The following STARD8 variants were observed in gnomAD, a reference collection of about 807,000 sequenced individuals.
STARD8 encodes stAR-related lipid transfer protein 8.
STARD8 carries 25 observed loss-of-function variants against 69.4 expected under a neutral mutation model. The observed-to-expected ratio is 0.36, with a 90% confidence interval of 0.26 to 0.50. The LOEUF is 0.50. Among genes scored for constraint, STARD8 ranks in the 20% least tolerant of loss-of-function variants. The probability of loss-of-function intolerance (pLI) is 0.96; values close to 1 mark genes in which losing one functional copy is unlikely to be tolerated. For synonymous variants in STARD8, 389 were observed against 374.6 expected, an observed-to-expected ratio of 1.04 and a Z score of -0.45; for missense variants, 921 against 932.5, an observed-to-expected ratio of 0.99 and a Z score of 0.16.
chrX:68,653,403 C>CA (rs2079585813), intron 1 of STARD8, among the ~76,000 whole-genome samples: 1 of 56,401 alleles, frequency 1.8e-5, no homozygotes, highest in African/African-American at 6.6e-5. Context: ...CCCACACACA[C>CA]CACACACACC....
intron 1 of STARD8, among the ~76,000 whole-genome samples, chrX:68,655,779 C>T (rs1326707580): frequency 9.0e-6 from 1 of 111,576 alleles, no homozygotes; most frequent in African/African-American, 3.3e-5. Flanking sequence ...CTGGATATTA[C>T]GTCCACCTCT....
At chrX:68,672,500 C>T (rs2079734387) in intron 2 of STARD8, among the ~76,000 whole-genome samples, 2 of 111,825 alleles carry the variant, frequency 1.8e-5, no homozygotes, top group South Asian at 3.8e-4. Context: ...CTTCACTACA[C>T]GTACTCCTGA....
chrX:68,682,646 G>A (rs1008239011), intron 2 of STARD8, among the ~76,000 whole-genome samples: 1 of 112,722 alleles, frequency 8.9e-6, no homozygotes, highest in African/African-American at 3.2e-5. Flanking sequence ...CAGGGTTTCT[G>A]TAAGGACTTT....
rs58255923 is a variant in STARD8 at position 68,718,550 on chromosome X, C to T, written c.1636C>T (p.Pro546Ser). The T allele has an allele frequency of 8.2e-3, 9,944 of 1,210,512 alleles. 336 individuals are homozygous for T. In the African/African-American group the frequency reaches 0.12, roughly 14 times the overall value. Residue 546 changes from proline to serine, a missense_variant, in exon 6 of 15, where the codon CCC becomes TCC. Pro to Ser is a moderately conservative substitution (Grantham distance 74). Transcript: ENST00000374599. ...CATGAATGAGGCTGAGGCTGCGGGGCCCCTGGCTGGACTCCAGGCATCAAT... is the reference window on the plus strand; with the variant it reads ...CATGAATGAGGCTGAGGCTGCGGGGTCCCTGGCTGGACTCCAGGCATCAAT... ...NSMNEAEAAG[P>S]LAGLQASMPR...
chrX:68,665,511 C>T lies in STARD8; in HGVS notation c.58C>T (p.Leu20=), dbSNP rs763161628. The part of the protein sequence containing the change: ...CFRKVKCFPL[L]QVKKNAEAEA... ...GTTTCTTTTGCAGTGCTTCCCATTG[C>T]TGCAGGTGAAGAAGAACGCTGGTAA... The change falls in exon 2 of 15, where the codon CTG becomes TTG. Residue 20 remains leucine (L), a synonymous_variant. Coordinates refer to ENST00000374599, the MANE Select transcript of STARD8 (RefSeq NM_001142503.3). The T allele has an allele frequency of 1.7e-6, 2 of 1,208,715 alleles. No homozygotes were observed. Among genetic ancestry groups the T allele is most frequent in the Admixed American group, 4.4e-5 (2 of 45,802 alleles).
intron 2 of STARD8, among the ~76,000 whole-genome samples, chrX:68,683,400 A>G (rs1394714672): frequency 8.9e-6 from 1 of 112,204 alleles, no homozygotes; most frequent in Non-Finnish European, 1.9e-5. Flanking sequence ...TGATTAAATC[A>G]TATATAGAAA....
intron 2 of STARD8, among the ~76,000 whole-genome samples, chrX:68,678,526 T>C (rs1427346353): frequency 1.8e-5 from 2 of 112,355 alleles, no homozygotes; most frequent in African/African-American, 3.2e-5. Context: ...TTTCTTCTTC[T>C]AGGCTCTGAG....
intron 1 of STARD8, among the ~76,000 whole-genome samples, chrX:68,652,804 C>CACCA (rs2079558596): frequency 1.5e-5 from 1 of 66,976 alleles, no homozygotes; most frequent in Non-Finnish European, 2.9e-5. Context: ...ACACCACACA[C>CACCA]CACACACACA....
chrX:68,680,719 A>G (rs756847011), intron 2 of STARD8, among the ~76,000 whole-genome samples: 1 of 110,913 alleles, frequency 9.0e-6, no homozygotes, highest in South Asian at 3.9e-4. Flanking sequence ...AGGTGTGTGT[A>G]CTAAGGCCAG....
chrX:68,688,902 G>A lies in STARD8; in HGVS notation c.79+23370G>A, dbSNP rs191528055. ...GGACTTGCAGATGCCCCACCCCCAT[G>A]GGAACACACAGAGCAGCTCACAGAA... On this transcript the variant is annotated intron_variant, in intron 2 of 14. Coordinates refer to ENST00000374599, the MANE Select transcript of STARD8 (RefSeq NM_001142503.3). Among the ~76,000 whole-genome samples, 399 of 107,406 alleles carry A rather than the reference G, an allele frequency of 3.7e-3. 2 individuals carry two copies. The highest frequency in any genetic ancestry group is 0.013 in the African/African-American group (379 of 29,251). The allele number at this position is 107,406 out of a possible 115,157, so 93.3% of individuals were successfully genotyped here.
chrX:68,672,572 G>C (rs763495340), intron 2 of STARD8, among the ~76,000 whole-genome samples: 1 of 112,216 alleles, frequency 8.9e-6, no homozygotes, highest in Non-Finnish European at 1.9e-5. Flanking sequence ...TGGCTCCCAA[G>C]CCTTGGTCTG....
At chrX:68,689,444 G>T (rs1375592577) in intron 2 of STARD8, among the ~76,000 whole-genome samples, 1 of 112,136 alleles carries the variant, frequency 8.9e-6, no homozygotes, top group Non-Finnish European at 1.9e-5. Flanking sequence ...GGATGCTGGG[G>T]CCCAGCCTTC....
At chrX:68,680,898 T>G (rs746943831) in intron 2 of STARD8, among the ~76,000 whole-genome samples, 1 of 110,639 alleles carries the variant, frequency 9.0e-6, no homozygotes, top group African/African-American at 3.3e-5. Context: ...GACAAACACT[T>G]CTTTCCACCT....
chrX:68,694,559 T>G (rs780170346), intron 2 of STARD8, among the ~76,000 whole-genome samples: 2 of 111,720 alleles, frequency 1.8e-5, no homozygotes, highest in Admixed American at 1.9e-4. Context: ...AAACTGGGGT[T>G]CAGCCAGTCC....
In STARD8 at chrX:68,659,781, A is replaced by G. The variant is rs769405697; in HGVS notation, c.46-5718A>G. ...CTGTAGGGCCCAAGGCAGGAGAAAG[A>G]TTGGGGGAAAGGCTCAAAGGCAAAG... On this transcript the variant is annotated intron_variant, in intron 1 of 14. Coordinates refer to ENST00000374599, the MANE Select transcript of STARD8 (RefSeq NM_001142503.3). Among the ~76,000 whole-genome samples the G allele has an allele frequency of 1.7e-4, 19 of 111,338 alleles. No homozygotes were observed. In the South Asian group the frequency reaches 7.3e-3, roughly 43 times the overall value.
chrX:68,706,849 G>T (rs2080010926), intron 2 of STARD8, among the ~76,000 whole-genome samples: 1 of 113,329 alleles, frequency 8.8e-6, no homozygotes, highest in Admixed American at 9.2e-5. Context: ...CCTCTCTAGG[G>T]TTGGAGAGCG....
Position 68,725,700 on chromosome X carries a change from A to G in STARD8, c.*1278A>G, listed in dbSNP as rs2080196106. 9.2e-6 allele frequency: 1 copy of G among 108,164 alleles called. No individual in the cohort carries two copies. Among genetic ancestry groups the G allele is most frequent in the African/African-American group, 3.4e-5 (1 of 29,552 alleles). The allele number at this position is 108,164 out of a possible 1,213,427, so 8.9% of individuals were successfully genotyped here. ...TTTGCACAGACACACACATATATCAATTCTCATGAGTGTATTATAATCTCT... is the reference window on the plus strand; with the variant it reads ...TTTGCACAGACACACACATATATCAGTTCTCATGAGTGTATTATAATCTCT... On this transcript the variant is annotated 3_prime_UTR_variant, in exon 15 of 15. Transcript: ENST00000374599.
Position 68,718,561 on chromosome X carries a change from A to T in STARD8, c.1647A>T (p.Gly549=). Residue 549 remains glycine, a synonymous_variant, in exon 6 of 15, where the codon GGA becomes GGT. Coordinates refer to ENST00000374599, the MANE Select transcript of STARD8 (RefSeq NM_001142503.3). ...NEAEAAGPLA[G]LQASMPRERR... ...CTGAGGCTGCGGGGCCCCTGGCTGG[A>T]CTCCAGGCATCAATGCCCCGTGAAC... 1 of 1,210,956 alleles carries T rather than the reference A, an allele frequency of 8.3e-7. No individual in the cohort carries two copies.
At position 68,719,238 on chromosome X, in the gene STARD8, C is replaced by G. The variant is rs754119411; in HGVS notation, c.1729C>G (p.His577Asp). The change falls in exon 7 of 15, where the codon CAT becomes GAT. Residue 577 changes from histidine (H) to aspartate (D), a missense_variant. By Grantham distance (81) the His-to-Asp change is moderately conservative. Coordinates refer to ENST00000374599, the MANE Select transcript of STARD8 (RefSeq NM_001142503.3). ...GCCCCCCACCAGGAAGCTCCGTTGG[C>G]ATAGCTTCCAGAACTCCCATCGTCC... ...LTRPCRKLRW[H>D]SFQNSHRPSL... 8.4e-7 allele frequency: 1 copy of G among 1,188,210 alleles called. No homozygotes were observed. The highest frequency in any genetic ancestry group is 1.9e-5 in the South Asian group (1 of 52,199).
Sources: allele counts gnomAD v4.1 joint callset (sites outside exome capture counted in the v4.1 genomes callset), GRCh38; gene constraint gnomAD v4.1.1; transcripts MANE v1.5; gene names NCBI Gene and HGNC (gene_info 2026-07-23, HGNC 2026-07-21).